The following ZNF654 variants were observed in gnomAD, a reference collection of about 807,000 sequenced individuals.
The protein encoded by ZNF654 is melanoma-associated antigen.
ZNF654 carries 19 observed loss-of-function variants against 95.3 expected under a neutral mutation model. That is an observed-to-expected ratio of 0.20 (90% CI 0.14 to 0.29). ZNF654 has a LOEUF of 0.29. ZNF654 is among the 10% of genes least tolerant of loss of function. The pLI is 1.00. For synonymous variants in ZNF654, 413 were observed against 457.9 expected (o/e 0.90, Z 1.25); for missense variants, 1,046 against 1,341.0 (o/e 0.78, Z 3.44).
intron 1 of ZNF654, among the ~76,000 whole-genome samples, chr3:88,070,751 G>A (rs928122502): frequency 2.0e-5 from 3 of 151,888 alleles, no homozygotes; most frequent in Admixed American, 6.6e-5. Flanking sequence ...CTAGATTCTC[G>A]TTTATCCTTT....
chr3:88,085,735 C>A (rs1408542171), intron 1 of ZNF654, among the ~76,000 whole-genome samples: 1 of 152,092 alleles, frequency 6.6e-6, no homozygotes, highest in Non-Finnish European at 1.5e-5. Context: ...AGTGACAGAG[C>A]CAAGACTGAC....
At chr3:88,076,885 G>A (rs1707833056) in intron 1 of ZNF654, among the ~76,000 whole-genome samples, 1 of 152,144 alleles carries the variant, frequency 6.6e-6, no homozygotes, top group African/African-American at 2.4e-5. Flanking sequence ...GCTGCCACAT[G>A]GAGGACTCTG....
At chr3:88,138,083 C>G (rs1374306891) in intron 7 of ZNF654, among the ~76,000 whole-genome samples, 3 of 152,092 alleles carry the variant, frequency 2.0e-5, no homozygotes, top group Non-Finnish European at 4.4e-5. Flanking sequence ...GAGTACTGTT[C>G]AGATAACTTC....
At chr3:88,104,323 G>T (rs1704608312) in intron 2 of ZNF654, among the ~76,000 whole-genome samples, 1 of 152,138 alleles carries the variant, frequency 6.6e-6, no homozygotes, top group Non-Finnish European at 1.5e-5. Context: ...TAAAGCAGGG[G>T]TTGACAAAAC....
intron 3 of ZNF654, among the ~76,000 whole-genome samples, chr3:88,113,463 T>C (rs1357433082): frequency 6.6e-6 from 1 of 152,192 alleles, no homozygotes. Flanking sequence ...TCCTAGAACT[T>C]AGTCCTGGTG....
intron 3 of ZNF654, among the ~76,000 whole-genome samples, chr3:88,119,395 G>C (rs1483595024): frequency 2.4e-4 from 1 of 4,182 alleles, no homozygotes; most frequent in Non-Finnish European, 2.8e-3. Flanking sequence ...TGGGGTGGGG[G>C]GAGGGGGGAG....
intron 3 of ZNF654, among the ~76,000 whole-genome samples, chr3:88,113,981 A>C (rs1463614243): frequency 6.6e-6 from 1 of 152,154 alleles, no homozygotes; most frequent in Non-Finnish European, 1.5e-5. Context: ...TAGAGTATAT[A>C]TTCAAGTATT....
chr3:88,075,205 G>A (rs927387983), intron 1 of ZNF654, among the ~76,000 whole-genome samples: 4 of 152,138 alleles, frequency 2.6e-5, no homozygotes, highest in African/African-American at 4.8e-5. Flanking sequence ...AATCTGTTGA[G>A]TGGCACCACT....
chr3:88,086,225 C>A (rs537913954), intron 1 of ZNF654, 32 bp from the exon 2 acceptor site: 13 of 1,498,812 alleles, frequency 8.7e-6, no homozygotes, highest in Non-Finnish European at 1.1e-5. Flanking sequence ...AGAACTTTTT[C>A]TATAGTAATG....
intron 2 of ZNF654, among the ~76,000 whole-genome samples, chr3:88,094,755 G>A (rs142513634): frequency 6.6e-6 from 1 of 152,008 alleles, no homozygotes; most frequent in East Asian, 1.9e-4. Context: ...CTTGTGCTAA[G>A]TCAGATCATT....
At chr3:88,070,574 T>A (rs1180312576) in intron 1 of ZNF654, among the ~76,000 whole-genome samples, 1 of 19,692 alleles carries the variant, frequency 5.1e-5, no homozygotes, top group African/African-American at 6.0e-5. Flanking sequence ...TTTTTTTTTT[T>A]TTTTTTTTTT....
At position 88,140,314 on chromosome 3, in the gene ZNF654, A is replaced by G. The variant is rs577027743; in HGVS notation, c.2645A>G (p.Glu882Gly). Residue 882 changes from glutamate to glycine, a missense_variant, in exon 8 of 9, where the codon GAA becomes GGA. By Grantham distance (98) the Glu-to-Gly change is moderately conservative. Around this residue, in one of 9 missense-constraint regions of ZNF654, gnomAD observed 495 missense variants for 537.0 expected, o/e 0.92. Transcript: ENST00000636215. ...KTPESSAQPS[E>G]TILWDVQTDS... ...CCAGAGTCATCTGCACAACCAAGTG[A>G]AACAATTCTTTGGGATGTTCAGACA... 6.2e-7 allele frequency: 1 copy of G among 1,613,772 alleles called. No individual in the cohort carries two copies. Among genetic ancestry groups the G allele is most frequent in the Non-Finnish European group, 8.5e-7 (1 of 1,179,766 alleles).
chr3:88,140,958 C>T lies in ZNF654; in HGVS notation c.3289C>T (p.Leu1097=). The change falls in exon 8 of 9, where the codon CTG becomes TTG. Residue 1097 remains leucine, a synonymous_variant. Transcript: ENST00000636215. ...SVKRLRCGKC[L]TTYCNAEALE... ...GAAAAGATTAAGATGTGGCAAATGCCTGACCACCTACTGTAATGCAGAAGC... is the reference window on the plus strand; with the variant it reads ...GAAAAGATTAAGATGTGGCAAATGCTTGACCACCTACTGTAATGCAGAAGC... The T allele has an allele frequency of 6.2e-7, 1 of 1,613,474 alleles. No homozygotes were observed. The highest frequency in any genetic ancestry group is 8.5e-7 in the Non-Finnish European group (1 of 1,179,594).
At chr3:88,107,988 T>A (rs1489861441) in intron 2 of ZNF654, among the ~76,000 whole-genome samples, 1 of 148,736 alleles carries the variant, frequency 6.7e-6, no homozygotes, top group African/African-American at 2.6e-5. Context: ...GTTCTTATCA[T>A]TTTTTTTTGT....
intron 8 of ZNF654, 69 bp from the exon 9 acceptor site, chr3:88,141,576 G>A: frequency 8.2e-7 from 1 of 1,216,612 alleles, no homozygotes; most frequent in South Asian, 1.8e-5. Flanking sequence ...AAATTAAACA[G>A]GAATCTGACT....
chr3:88,089,422 C>T (rs1483667660), intron 2 of ZNF654, among the ~76,000 whole-genome samples: 3 of 151,018 alleles, frequency 2.0e-5, no homozygotes, highest in East Asian at 2.0e-4. Context: ...ACCCAGGAGG[C>T]GGAGGTTGCA....
chr3:88,082,182 A>G (rs567938628), intron 1 of ZNF654, among the ~76,000 whole-genome samples: 15 of 149,620 alleles, frequency 1.0e-4, no homozygotes, highest in African/African-American at 3.7e-4. Flanking sequence ...GCTGGAGTGC[A>G]GTGGTGCAAT....
In ZNF654 at chr3:88,143,390, TTTC is replaced by T. The variant is rs1707218474; in HGVS notation, c.*1741_*1743del. 2 of 152,284 alleles carry T rather than the reference TTTC, an allele frequency of 1.3e-5. No homozygotes were observed. The highest frequency in any genetic ancestry group is 2.4e-5 in the African/African-American group (1 of 41,432). 9.4% of individuals were successfully genotyped at this position (152,284 alleles called of 1,614,324 possible). A position where few individuals can be genotyped will look rare whatever the true frequency, so the allele number is the denominator to read the frequency against. On this transcript the variant is annotated 3_prime_UTR_variant, in exon 9 of 9. Coordinates refer to ENST00000636215, the MANE Select transcript of ZNF654 (RefSeq NM_001350134.2). ...TAAACACAGCTCATAATTAAAATCT[TTTC>T]TTTAAGGTCAGCTAAAAAAAATGTT...
At chr3:88,128,499 G>A (rs1182703701) in intron 4 of ZNF654, among the ~76,000 whole-genome samples, 2 of 151,638 alleles carry the variant, frequency 1.3e-5, no homozygotes, top group African/African-American at 2.4e-5. Context: ...CATGTTACTT[G>A]GAACATATTT....
Sources: allele counts gnomAD v4.1 joint callset (sites outside exome capture counted in the v4.1 genomes callset), GRCh38; gene constraint gnomAD v4.1.1; regional missense constraint gnomAD v4.1.1; transcripts MANE v1.5; gene names NCBI Gene and HGNC (gene_info 2026-07-23, HGNC 2026-07-21).